ZDHHC16: variants seen among roughly 807,000 people sequenced by gnomAD.
ZDHHC16 encodes the protein palmitoyltransferase ZDHHC16.
In ZDHHC16, 33 loss-of-function variants were observed where a neutral mutation model predicts 54.4. That is an observed-to-expected ratio of 0.61 (90% confidence interval 0.46 to 0.81). The LOEUF (loss-of-function observed/expected upper bound fraction) is 0.81. Among genes scored for constraint, ZDHHC16 ranks in the 30% least tolerant of loss-of-function variants. ZDHHC16 has a pLI of 0.00. For missense variants in ZDHHC16, 420 were observed against 485.9 expected (o/e 0.86, Z 1.28); for synonymous variants, 185 against 182.1 (o/e 1.02, Z -0.13).
Position 97,452,297 on chromosome 10 carries a change from A to C in ZDHHC16, c.438+13A>C. On this transcript the variant is annotated intron_variant, in intron 4 of 11. Transcript: ENST00000393760. ...GTACCCACCCCAGGTGGGTCCTCAC[A>C]GGAGCACTGGGGGAAGTTGCTGGCT... 6.2e-7 allele frequency: 1 copy of C among 1,613,958 alleles called. No homozygotes were observed. The highest frequency in any genetic ancestry group is 8.5e-7 in the Non-Finnish European group (1 of 1,179,884).
Position 97,457,147 on chromosome 10 carries a change from T to TA in ZDHHC16, c.*257dup, listed in dbSNP as rs1278835062. ...AACCCCAGACTAGGGGTCAGGCAGC[T>TA]AGCTACCTACCTTGCCCAGTGCTGA... On this transcript the variant is annotated 3_prime_UTR_variant, in exon 12 of 12. Transcript: ENST00000393760. 7.6e-6 allele frequency: 2 copies of TA among 261,978 alleles called. No homozygotes were observed. Among genetic ancestry groups the TA allele is most frequent in the Non-Finnish European group, 1.5e-5 (2 of 135,820 alleles). 16.2% of individuals were successfully genotyped at this position (261,978 alleles called of 1,614,324 possible).
chr10:97,453,935 T>G, intron 8 of ZDHHC16, 89 bp downstream of exon 8: 1 of 1,571,820 alleles, frequency 6.4e-7, no homozygotes, highest in South Asian at 1.1e-5. Flanking sequence ...GCCCATGTAG[T>G]TGTAGAGGCT....
Position 97,451,784 on chromosome 10 carries a change from C to T in ZDHHC16, c.109C>T (p.Gln37Ter). 6.2e-7 allele frequency: 1 copy of T among 1,614,184 alleles called. No individual in the cohort carries two copies. The highest frequency in any genetic ancestry group is 1.7e-5 in the Admixed American group (1 of 60,028). ...RCPPLLRGLV[Q>*]RWRYGKVCLR... ...TCCACCTCTACTCCGGGGTCTAGTA[C>T]AGCGCTGGCGCTACGGCAAGGTCTG... is the stretch of plus-strand genomic sequence containing the variant. Residue 37 changes from glutamine (Q) to a stop codon, truncating the protein, a stop_gained, in exon 3 of 12, where the codon CAG becomes TAG. Transcript: ENST00000393760. LOFTEE classifies it high-confidence loss of function.
In ZDHHC16 at chr10:97,454,839, G is replaced by GA. The variant is rs764713646; in HGVS notation, c.824+47dup. On this transcript the variant is annotated intron_variant, in intron 9 of 11. Coordinates refer to ENST00000393760, the MANE Select transcript of ZDHHC16 (RefSeq NM_198046.3). ...TAGTTTTAAGGGAGGGGAAGCTTCA[G>GA]AAAAAAAGTTTTTTAGGTGCCCACA... 13 of 1,601,706 alleles carry GA rather than the reference G, an allele frequency of 8.1e-6. No individual in the cohort carries two copies. The Middle Eastern group carries it at 5.0e-4, about 61-fold the overall frequency.
Position 97,454,721 on chromosome 10 carries a change from A to G in ZDHHC16, c.746A>G (p.His249Arg). ...KLQAVANQTY[H>R]QTPPPTFSFR... ...GCTGTTTTCTTTTTCTAGACTTATC[A>G]CCAGACCCCACCACCCACCTTCTCC... Residue 249 changes from histidine (H) to arginine (R), a missense_variant, in exon 9 of 12, where the codon CAC (histidine) becomes CGC (arginine). Transcript: ENST00000393760. The G allele has an allele frequency of 1.2e-6, 2 of 1,614,080 alleles. No homozygotes were observed. Among genetic ancestry groups the G allele is most frequent in the South Asian group, 2.2e-5 (2 of 91,082 alleles).
chr10:97,454,982 C>T (rs1480154780), intron 9 of ZDHHC16, among the ~76,000 whole-genome samples, 183 bp downstream of exon 9: 2 of 152,154 alleles, frequency 1.3e-5, no homozygotes, highest in Non-Finnish European at 2.9e-5. Flanking sequence ...ATTGGCATTG[C>T]TTATTACTAA....
At chr10:97,452,340 G>C in intron 4 of ZDHHC16, 56 bp downstream of exon 4, 3 of 1,611,520 alleles carry the variant, frequency 1.9e-6, no homozygotes, top group Non-Finnish European at 2.5e-6. Flanking sequence ...CTGGTCCCAG[G>C]AGTGGGGAGA....
chr10:97,451,982 A>T lies in ZDHHC16; in HGVS notation c.243+64A>T, dbSNP rs1846675761. On this transcript the variant is annotated intron_variant, in intron 3 of 11. Coordinates refer to ENST00000393760, the MANE Select transcript of ZDHHC16 (RefSeq NM_198046.3). ...GGGAGCAGAGGGACATGTCTCTCAC[A>T]GACCCAACCCAGGTTTTGGAGGCCG... The T allele has an allele frequency of 1.9e-6, 3 of 1,591,818 alleles. No homozygotes were observed. The Admixed American group carries it at 5.1e-5, about 27-fold the overall frequency.
At position 97,453,839 on chromosome 10, in the gene ZDHHC16, C is replaced by T. The variant is rs1288862228; in HGVS notation, c.731C>T (p.Ala244Val). The change falls in exon 8 of 12, where the codon GCC becomes GTC. Residue 244 changes from alanine (A) to valine (V), a missense_variant. Ala to Val is a moderately conservative substitution (Grantham distance 64, BLOSUM62 0). Transcript: ENST00000393760. Reference protein sequence around the residue: ...QLDKNKLQAVANQTYHQTPPP... With the variant: ...QLDKNKLQAVVNQTYHQTPPP... ...GACAAGAACAAACTACAGGCGGTTG[C>T]CAACCAGGTGGGCTGTCCCCACCCC... 3 of 1,614,200 alleles carry T rather than the reference C, an allele frequency of 1.9e-6. No homozygotes were observed. Among genetic ancestry groups the T allele is most frequent in the Non-Finnish European group, 2.5e-6 (3 of 1,180,050 alleles).
At chr10:97,452,638 A>T in intron 5 of ZDHHC16, 135 bp downstream of exon 5, 1 of 1,041,218 alleles carries the variant, frequency 9.6e-7, no homozygotes, top group African/African-American at 1.7e-5. Context: ...TCTTCTCCTG[A>T]CACCTCATCC....
intron 1 of ZDHHC16, among the ~76,000 whole-genome samples, chr10:97,447,383 C>T (rs1225767004): frequency 1.3e-5 from 2 of 152,132 alleles, no homozygotes; most frequent in Non-Finnish European, 1.5e-5. Context: ...TCGACTTTCC[C>T]ATTGGGAAAC....
At chr10:97,454,377 C>T (rs2133226035) in intron 8 of ZDHHC16, among the ~76,000 whole-genome samples, 1 of 152,328 alleles carries the variant, frequency 6.6e-6, no homozygotes, top group South Asian at 2.1e-4. Context: ...GGTCTGGTCT[C>T]CTCTCTTGGG....
At position 97,452,134 on chromosome 10, in the gene ZDHHC16, T is replaced by G. The variant is rs1404788001; in HGVS notation, c.288T>G (p.Ala96=). The G allele has an allele frequency of 1.9e-6, 3 of 1,613,944 alleles. No individual in the cohort carries two copies. Among genetic ancestry groups the G allele is most frequent in the Non-Finnish European group, 2.5e-6 (3 of 1,180,036 alleles). ...LVIVLTGSIV[A]IAYLCVLPLI... The stretch of plus-strand genomic sequence containing the variant: ...TCGTGCTGACAGGCTCCATTGTAGC[T>G]ATCGCCTACCTGTGTGTCCTGCCTC... Residue 96 remains alanine (A), a synonymous_variant, in exon 4 of 12, where the codon GCT becomes GCG. Transcript: ENST00000393760.
chr10:97,455,894 C>T, intron 10 of ZDHHC16, 80 bp from the exon 11 acceptor site: 1 of 1,606,112 alleles, frequency 6.2e-7, no homozygotes, highest in Non-Finnish European at 8.5e-7. Context: ...AAGGCCAGAA[C>T]TACTCTATCT....
At chr10:97,453,918 C>A in intron 8 of ZDHHC16, 72 bp downstream of exon 8, 1 of 1,598,286 alleles carries the variant, frequency 6.3e-7, no homozygotes, top group Non-Finnish European at 8.6e-7. Context: ...GCATCTGGGG[C>A]CGACCTGCCC....
intron 8 of ZDHHC16, 48 bp from the exon 9 acceptor site, chr10:97,454,666 G>A: frequency 6.5e-7 from 1 of 1,545,134 alleles, no homozygotes; most frequent in Non-Finnish European, 8.9e-7. Context: ...GGCAGTTGCT[G>A]GAGACCCACA....
chr10:97,447,096 G>T (rs890654458), intron 1 of ZDHHC16, among the ~76,000 whole-genome samples: 2 of 152,276 alleles, frequency 1.3e-5, no homozygotes, highest in African/African-American at 4.8e-5. Context: ...AGCTTTCTCT[G>T]GTTGAAAAAG....
intron 5 of ZDHHC16, 23 bp downstream of exon 5, chr10:97,452,526 G>A (rs753078255): frequency 6.2e-7 from 1 of 1,609,702 alleles, no homozygotes; most frequent in Admixed American, 1.7e-5. Context: ...TTTGCTCTCT[G>A]GGAATCCCAG....
At chr10:97,450,817 G>A (rs1846539300) in intron 2 of ZDHHC16, 1 of 152,068 alleles carries the variant, frequency 6.6e-6, no homozygotes, top group South Asian at 2.1e-4. Flanking sequence ...GGGCAGTGGA[G>A]TCCATCAGAG....
Sources: allele counts gnomAD v4.1 joint callset (sites outside exome capture counted in the v4.1 genomes callset), GRCh38; gene constraint gnomAD v4.1.1; transcripts MANE v1.5; gene names NCBI Gene and HGNC (gene_info 2026-07-23, HGNC 2026-07-21).